RIPOR2: variants seen among roughly 807,000 people sequenced by gnomAD.
RIPOR2 encodes RHO family interacting cell polarization regulator 2, also known as rho family-interacting cell polarization regulator 2.
In RIPOR2, 39 loss-of-function variants were observed where a neutral mutation model predicts 114.5. The ratio of observed to expected loss-of-function variants is 0.34; its 90% CI spans 0.26 to 0.44. The LOEUF is 0.44. Ranked by LOEUF, RIPOR2 falls within the 20% of genes least tolerant of loss-of-function variation. The pLI is 1.00. For synonymous variants in RIPOR2, 445 were observed against 484.4 expected, an observed-to-expected ratio of 0.92 and a Z score of 1.07; for missense variants, 1,007 against 1,255.1, an observed-to-expected ratio of 0.80 and a Z score of 2.99.
chr6:24,835,724 C>T lies in RIPOR2; in HGVS notation c.2187G>A (p.Gln729=). The stretch of plus-strand genomic sequence containing the variant: ...CTACCTGCACGAGTTGGGTGCAGTA[C>T]TGGAGGTGCCTGACGATGGTGATGT... ...SLDITIVRHL[Q]YCTQLVQQIV... The change falls in exon 15 of 22, where the codon CAG becomes CAA. Residue 729 remains glutamine, a synonymous_variant. Transcript: ENST00000643898. 8 of 1,551,682 alleles carry T rather than the reference C, an allele frequency of 5.2e-6. No individual in the cohort carries two copies. Among genetic ancestry groups the T allele is most frequent in the Non-Finnish European group, 6.1e-6 (7 of 1,146,974 alleles).
intron 1 of RIPOR2, among the ~76,000 whole-genome samples, chr6:25,010,667 A>T (rs1366475539): frequency 6.6e-6 from 1 of 152,212 alleles, no homozygotes; most frequent in Admixed American, 6.5e-5. Flanking sequence ...CTTTATAAGT[A>T]GGAGCCTGTG....
chr6:24,908,714 A>T (rs1769227122), intron 1 of RIPOR2, among the ~76,000 whole-genome samples: 1 of 152,156 alleles, frequency 6.6e-6, no homozygotes, highest in African/African-American at 2.4e-5. Flanking sequence ...AGCTAACAAG[A>T]TCCACAGATA....
intron 14 of RIPOR2, among the ~76,000 whole-genome samples, chr6:24,838,217 C>A (rs1212250341): frequency 6.6e-6 from 1 of 152,170 alleles, no homozygotes; most frequent in Non-Finnish European, 1.5e-5. Context: ...CATTGGTCAT[C>A]CCCTCTTACA....
At chr6:24,968,047 G>A (rs1773611487) in intron 1 of RIPOR2, among the ~76,000 whole-genome samples, 1 of 151,796 alleles carries the variant, frequency 6.6e-6, no homozygotes, top group Admixed American at 6.6e-5. Flanking sequence ...CAAGTAGCTG[G>A]GATTACAGGC....
At chr6:24,896,092 T>C (rs542599221) in intron 1 of RIPOR2, among the ~76,000 whole-genome samples, 6 of 152,298 alleles carry the variant, frequency 3.9e-5, no homozygotes, top group African/African-American at 7.2e-5. Context: ...TTGGAACTTG[T>C]TGTCATCTGT....
Position 24,883,771 on chromosome 6 carries a change from C to T in RIPOR2, c.62-7954G>A, listed in dbSNP as rs1232861789. ...TTCGTGATTTGATCCTGTCTCCCAG[C>T]GAGGCTTCATAAGATGTAACACCTG... is the stretch of plus-strand genomic sequence containing the variant. On this transcript the variant is annotated intron_variant, in intron 1 of 21. Transcript: ENST00000643898. This position sits in a 1 kb window ranked among gnomAD's most constrained non-coding sequence, Gnocchi z 4.1. Among the ~76,000 whole-genome samples the T allele has an allele frequency of 2.0e-5, 3 of 152,196 alleles. No individual in the cohort carries two copies. The highest frequency in any genetic ancestry group is 6.5e-5 in the Admixed American group (1 of 15,274).
At chr6:24,868,428 A>G in intron 6 of RIPOR2, among the ~76,000 whole-genome samples, 1 of 152,190 alleles carries the variant, frequency 6.6e-6, no homozygotes, top group East Asian at 1.9e-4. Flanking sequence ...TAATGGTGTG[A>G]TTTAGCTGCC....
At chr6:24,898,215 A>G (rs976499812) in intron 1 of RIPOR2, among the ~76,000 whole-genome samples, 1 of 152,136 alleles carries the variant, frequency 6.6e-6, no homozygotes, top group African/African-American at 2.4e-5. Flanking sequence ...CCTTACCTAA[A>G]CAAAGCTTTG....
intron 1 of RIPOR2, among the ~76,000 whole-genome samples, chr6:24,996,346 G>A (rs1775045653): frequency 6.6e-6 from 1 of 152,172 alleles, no homozygotes; most frequent in Non-Finnish European, 1.5e-5. Flanking sequence ...TTATGACCCT[G>A]GGTTATTGCA....
intron 1 of RIPOR2, among the ~76,000 whole-genome samples, chr6:24,888,335 G>C (rs1164617485): frequency 2.0e-5 from 3 of 152,144 alleles, no homozygotes; most frequent in Non-Finnish European, 4.4e-5. Context: ...GTTTTCCCTA[G>C]AGCTTGGCAA....
At position 24,883,749 on chromosome 6, in the gene RIPOR2, G is replaced by A. The variant is rs1766555968; in HGVS notation, c.62-7932C>T. Among the ~76,000 whole-genome samples the A allele has an allele frequency of 6.6e-6, 1 of 152,206 alleles. No individual in the cohort carries two copies. Among genetic ancestry groups the A allele is most frequent in the African/African-American group, 2.4e-5 (1 of 41,452 alleles). ...AAGCAACCAGCTGAGAGTTGCTTTC[G>A]TGATTTGATCCTGTCTCCCAGCGAG... On this transcript the variant is annotated intron_variant, in intron 1 of 21. Transcript: ENST00000643898. The surrounding 1 kb of genome is among the most constrained non-coding windows in gnomAD (Gnocchi z 4.1).
intron 1 of RIPOR2, among the ~76,000 whole-genome samples, chr6:25,040,122 T>TC (rs1021300400): frequency 6.8e-6 from 1 of 147,252 alleles, no homozygotes; most frequent in South Asian, 2.1e-4. Flanking sequence ...GACTTCTACT[T>TC]TTTTTTTTTT....
chr6:25,012,586 C>T (rs1009624369), intron 1 of RIPOR2, among the ~76,000 whole-genome samples: 10 of 152,116 alleles, frequency 6.6e-5, no homozygotes, highest in Non-Finnish European at 1.2e-4. Context: ...AATAAATTAG[C>T]TTTAAAAACA....
intron 1 of RIPOR2, among the ~76,000 whole-genome samples, chr6:24,902,731 G>A (rs111490874): frequency 8.5e-5 from 13 of 152,104 alleles, no homozygotes; most frequent in Non-Finnish European, 1.9e-4. Context: ...ATCCTCCCCC[G>A]GCAAACAAAC....
At chr6:24,942,431 A>T (rs1045965913) in intron 1 of RIPOR2, among the ~76,000 whole-genome samples, 11 of 152,238 alleles carry the variant, frequency 7.2e-5, no homozygotes, top group Non-Finnish European at 1.3e-4. Context: ...TATACCCAGT[A>T]ATGCAATTGC....
chr6:24,830,995 C>G (rs1398391001), intron 16 of RIPOR2, among the ~76,000 whole-genome samples: 2 of 152,068 alleles, frequency 1.3e-5, no homozygotes, highest in Admixed American at 6.5e-5. Flanking sequence ...GGATTATAAG[C>G]GTGAGCCACC....
intron 1 of RIPOR2, among the ~76,000 whole-genome samples, chr6:24,960,118 C>G (rs1692982758): frequency 6.6e-6 from 1 of 152,200 alleles, no homozygotes; most frequent in African/African-American, 2.4e-5. Context: ...ACTTCCTCTA[C>G]ACTGTAAAAA....
At chr6:24,912,928 C>G (rs1457016190) in intron 1 of RIPOR2, among the ~76,000 whole-genome samples, 1 of 152,190 alleles carries the variant, frequency 6.6e-6, no homozygotes, top group Non-Finnish European at 1.5e-5. Flanking sequence ...TCATCTCTTT[C>G]CCATAGCTGC....
At chr6:24,939,985 G>A (rs1008414385), upstream of RIPOR2, among the ~76,000 whole-genome samples, 5 of 152,120 alleles carry the variant, frequency 3.3e-5, no homozygotes, top group Non-Finnish European at 7.3e-5. Context: ...GAAAGGTCTG[G>A]TCCTTGCTTT....
Sources: allele counts gnomAD v4.1 joint callset (sites outside exome capture counted in the v4.1 genomes callset), GRCh38; gene constraint gnomAD v4.1.1; non-coding constraint Gnocchi (gnomAD v3.1); transcripts MANE v1.5; gene names NCBI Gene and HGNC (gene_info 2026-07-23, HGNC 2026-07-21).